Variants in CAMK1D observed in about 807,000 individuals in gnomAD.
The protein encoded by CAMK1D is calcium/calmodulin-dependent protein kinase type 1D.
In CAMK1D, 9 loss-of-function variants were observed where a neutral mutation model predicts 47.7. The observed-to-expected ratio is 0.19, with a 90% CI of 0.11 to 0.33. The LOEUF (loss-of-function observed/expected upper bound fraction) is 0.33. Ranked by LOEUF, CAMK1D falls within the 10% of genes least tolerant of loss-of-function variation. The pLI is 1.00. For missense variants in CAMK1D, 291 were observed against 488.7 expected (o/e 0.60, Z 3.81); for synonymous variants, 184 against 184.9 (o/e 0.99, Z 0.04).
chr10:12,553,246 T>A lies in CAMK1D; in HGVS notation c.114T>A (p.Val38=). 1 of 1,614,202 alleles carries A rather than the reference T, an allele frequency of 6.2e-7. No homozygotes were observed. Among genetic ancestry groups the A allele is most frequent in the Non-Finnish European group, 8.5e-7 (1 of 1,180,026 alleles). ...ACAGCGGGGCCTTTTCCGAAGTGGTTTTAGCTGAAGAGAAGGCAACTGGCA... is the reference window on the plus strand; with the variant it reads ...ACAGCGGGGCCTTTTCCGAAGTGGTATTAGCTGAAGAGAAGGCAACTGGCA... ...TLGTGAFSEV[V]LAEEKATGKL... Residue 38 remains valine (V), a synonymous_variant, in exon 2 of 11, where the codon GTT becomes GTA. Transcript: ENST00000619168.
rs148529795 is a variant in CAMK1D at position 12,576,329 on chromosome 10, A to G, written c.224+22973A>G. ...AACACAGTTTGGAGACTATTATTCT[A>G]GAGCAGTGGTCCCCAACCCTCTTGG... On this transcript the variant is annotated intron_variant, in intron 2 of 10. Transcript: ENST00000619168. 3.3e-5 allele frequency among the ~76,000 whole-genome samples: 5 copies of G among 152,332 alleles called. No homozygotes were observed. The East Asian group carries it at 9.6e-4, about 29-fold the overall frequency.
chr10:12,654,669 G>A (rs1489939861), intron 2 of CAMK1D, among the ~76,000 whole-genome samples: 2 of 152,098 alleles, frequency 1.3e-5, no homozygotes, highest in African/African-American at 4.8e-5. Flanking sequence ...TAATGGGTTG[G>A]CCATGTAGCC....
At chr10:12,623,631 G>T (rs1397304812) in intron 2 of CAMK1D, among the ~76,000 whole-genome samples, 1 of 151,622 alleles carries the variant, frequency 6.6e-6, no homozygotes, top group Non-Finnish European at 1.5e-5. Flanking sequence ...ACCGCATCAT[G>T]AAACAAATGG....
At chr10:12,626,475 C>CTTTT (rs35033817) in intron 2 of CAMK1D, among the ~76,000 whole-genome samples, 21 of 136,278 alleles carry the variant, frequency 1.5e-4, no homozygotes, top group Non-Finnish European at 2.2e-4. Context: ...TTCTTTCTTT[C>CTTTT]TTTTTTTTTT....
At chr10:12,587,515 T>A (rs1837854474) in intron 2 of CAMK1D, among the ~76,000 whole-genome samples, 1 of 148,092 alleles carries the variant, frequency 6.8e-6, no homozygotes, top group Non-Finnish European at 1.5e-5. Context: ...ATGGATTAAA[T>A]CAGGCTCTCT....
At chr10:12,538,095 G>A (rs1257484600) in intron 1 of CAMK1D, among the ~76,000 whole-genome samples, 1 of 152,106 alleles carries the variant, frequency 6.6e-6, no homozygotes, top group Non-Finnish European at 1.5e-5. Flanking sequence ...CCTGTTCTGC[G>A]CACTGTGAGG....
Position 12,764,210 on chromosome 10 carries a change from A to G in CAMK1D, c.438+3124A>G, listed in dbSNP as rs562775652. On this transcript the variant is annotated intron_variant, in intron 4 of 10. Transcript: ENST00000619168. ...AGCCTGACCAACATGGTGAAACCCC[A>G]TCTCTACTAAAAATACAAAAATTAG... is the stretch of plus-strand genomic sequence containing the variant. 2.6e-5 allele frequency among the ~76,000 whole-genome samples: 4 copies of G among 152,110 alleles called. No homozygotes were observed. The South Asian group carries it at 6.2e-4, about 24-fold the overall frequency.
intron 1 of CAMK1D, among the ~76,000 whole-genome samples, chr10:12,520,011 C>G (rs1229824460): frequency 1.5e-5 from 1 of 66,090 alleles, no homozygotes; most frequent in Non-Finnish European, 3.1e-5. Flanking sequence ...CCAGTAGGGG[C>G]GGCCGGGCAG....
intron 2 of CAMK1D, among the ~76,000 whole-genome samples, chr10:12,652,209 C>A (rs1198021665): frequency 6.6e-6 from 1 of 152,180 alleles, no homozygotes; most frequent in African/African-American, 2.4e-5. Context: ...GTTCCCTCCA[C>A]TCCCTTGCCC....
chr10:12,723,687 T>C (rs1418423485), intron 3 of CAMK1D, among the ~76,000 whole-genome samples: 1 of 152,184 alleles, frequency 6.6e-6, no homozygotes, highest in Non-Finnish European at 1.5e-5. Context: ...CATAAATAAT[T>C]ATGTTTATAT....
Position 12,476,890 on chromosome 10 carries a change from G to A in CAMK1D, c.93-76335G>A, listed in dbSNP as rs567357461. Reference sequence around the variant, plus strand: ...TTCTGTCTGCTCCAGGTCCTGTTATGTGGGATTGGAGTGAAGCCCACAGTT... The same window carrying A: ...TTCTGTCTGCTCCAGGTCCTGTTATATGGGATTGGAGTGAAGCCCACAGTT... On this transcript the variant is annotated intron_variant, in intron 1 of 10. Coordinates refer to ENST00000619168, the MANE Select transcript of CAMK1D (RefSeq NM_153498.4). Among the ~76,000 whole-genome samples the A allele has an allele frequency of 3.9e-5, 6 of 152,274 alleles. No homozygotes were observed. The East Asian group carries it at 1.2e-3, about 29-fold the overall frequency.
At chr10:12,729,123 C>T (rs955067128) in intron 3 of CAMK1D, among the ~76,000 whole-genome samples, 1 of 152,162 alleles carries the variant, frequency 6.6e-6, no homozygotes, top group Non-Finnish European at 1.5e-5. Flanking sequence ...CCATAGAATT[C>T]CAAGAATAAA....
intron 3 of CAMK1D, among the ~76,000 whole-genome samples, chr10:12,749,443 TAAA>T (rs60406640): frequency 0.04 from 4,784 of 119,224 alleles, 219 homozygotes; most frequent in African/African-American, 0.11. Flanking sequence ...GCTAGAAAGT[TAAA>T]AAAAAAAAAA....
At chr10:12,386,418 G>A (rs1838496229) in intron 1 of CAMK1D, among the ~76,000 whole-genome samples, 1 of 151,374 alleles carries the variant, frequency 6.6e-6, no homozygotes, top group African/African-American at 2.4e-5. Context: ...CTCCAGCCTG[G>A]GCCACAAACT....
intron 6 of CAMK1D, among the ~76,000 whole-genome samples, chr10:12,801,590 ATCTG>A (rs200810887): frequency 6.0e-5 from 9 of 150,390 alleles, no homozygotes; most frequent in African/African-American, 2.2e-4. Flanking sequence ...TCTGTTATCT[ATCTG>A]TCTATCCATT....
rs56807588 is a variant in CAMK1D at position 12,662,651 on chromosome 10, C to CAAAAA, written c.225-4076_225-4072dup. Among the ~76,000 whole-genome samples, 16 of 140,434 alleles carry CAAAAA rather than the reference C, an allele frequency of 1.1e-4. 1 individual carries two copies. The highest frequency in any genetic ancestry group is 7.0e-5 in the Admixed American group (1 of 14,258). 92.1% of individuals were successfully genotyped at this position (140,434 alleles called of 152,430 possible). Reference sequence around the variant, plus strand: ...TCGGAGACAGAGCAACACTCTGCCTCAAAAAAAAAAAAAGGAGATTGTGTT... The same window carrying CAAAAA: ...TCGGAGACAGAGCAACACTCTGCCTCAAAAAAAAAAAAAAAAAAGGAGATTGTGTT... On this transcript the variant is annotated intron_variant, in intron 2 of 10. Coordinates refer to ENST00000619168, the MANE Select transcript of CAMK1D (RefSeq NM_153498.4).
intron 3 of CAMK1D, among the ~76,000 whole-genome samples, chr10:12,732,555 A>G (rs1276645988): frequency 6.6e-6 from 1 of 152,066 alleles, no homozygotes; most frequent in Non-Finnish European, 1.5e-5. Context: ...CGCAAGAGAA[A>G]ATGAGGAGGA....
intron 2 of CAMK1D, among the ~76,000 whole-genome samples, chr10:12,631,980 C>T (rs140325386): frequency 9.9e-5 from 15 of 152,154 alleles, no homozygotes; most frequent in African/African-American, 3.1e-4. Context: ...AATGAGTGAG[C>T]GAATGAACCG....
chr10:12,668,346 A>C (rs540538403), intron 3 of CAMK1D, among the ~76,000 whole-genome samples: 1 of 152,322 alleles, frequency 6.6e-6, no homozygotes, highest in South Asian at 2.1e-4. Context: ...TTTCATTGGT[A>C]ATGCAAAAAC....
Sources: allele counts gnomAD v4.1 joint callset (sites outside exome capture counted in the v4.1 genomes callset), GRCh38; gene constraint gnomAD v4.1.1; transcripts MANE v1.5; gene names NCBI Gene and HGNC (gene_info 2026-07-23, HGNC 2026-07-21).